Variants in NCAPG observed in about 807,000 individuals in gnomAD.
NCAPG encodes non-SMC condensin I complex subunit G, also known as condensin complex subunit 3.
A neutral mutation model predicts 113.1 loss-of-function variants in NCAPG; 69 were observed. The observed-to-expected ratio is 0.61, with a 90% confidence interval of 0.50 to 0.75. NCAPG has a LOEUF of 0.75. Among genes scored for constraint, NCAPG ranks in the 30% least tolerant of loss-of-function variants. The pLI is 0.00. For missense variants in NCAPG, 1,058 were observed against 1,177.0 expected, an observed-to-expected ratio of 0.90 and a Z score of 1.48; for synonymous variants, 370 against 415.8, an observed-to-expected ratio of 0.89 and a Z score of 1.34.
chr4:17,836,210 C>T (rs1171488696), intron 14 of NCAPG, among the ~76,000 whole-genome samples: 3 of 152,052 alleles, frequency 2.0e-5, no homozygotes, highest in Non-Finnish European at 4.4e-5. Flanking sequence ...TCCTTAATGA[C>T]TAGTGATGTT....
intron 7 of NCAPG, among the ~76,000 whole-genome samples, chr4:17,820,053 A>G (rs2109048118): frequency 1.3e-5 from 2 of 152,284 alleles, no homozygotes; most frequent in Admixed American, 1.3e-4. Flanking sequence ...GTTTGTGGCA[A>G]AGTTTAATAA....
chr4:17,831,091 G>C lies in NCAPG; in HGVS notation c.1859G>C (p.Arg620Thr). Residue 620 changes from arginine (R) to threonine (T), a missense_variant, in exon 13 of 21, where the codon AGG becomes ACG. Coordinates refer to ENST00000251496, the MANE Select transcript of NCAPG (RefSeq NM_022346.5). ...GGACTACAGAATCAGGATTTTGCAA[G>C]GAAACACTTCGTATTACTATTGCAG... is the stretch of plus-strand genomic sequence containing the variant. The part of the protein sequence containing the change: ...CCGLQNQDFA[R>T]KHFVLLLQVL... 3 of 1,613,452 alleles carry C rather than the reference G, an allele frequency of 1.9e-6. No homozygotes were observed. Among genetic ancestry groups the C allele is most frequent in the Non-Finnish European group, 2.5e-6 (3 of 1,179,766 alleles).
intron 5 of NCAPG, among the ~76,000 whole-genome samples, chr4:17,816,888 A>T (rs1179150084): frequency 1.3e-5 from 2 of 152,044 alleles, no homozygotes; most frequent in East Asian, 3.9e-4. Context: ...TAATCTCAGC[A>T]CTTTTGGAGG....
chr4:17,842,167 C>T (rs1722472474), intron 19 of NCAPG, 143 bp from the exon 20 acceptor site: 1 of 611,940 alleles, frequency 1.6e-6, no homozygotes, highest in African/African-American at 1.9e-5. Flanking sequence ...TAACTGGTAC[C>T]AAGATGGCTA....
rs772582102 is a variant in NCAPG at position 17,840,652 on chromosome 4, C to T, written c.2813C>T (p.Ala938Val). The change falls in exon 19 of 21, where the codon GCA becomes GTA. Residue 938 changes from alanine to valine, a missense_variant. By Grantham distance (64) the Ala-to-Val change is moderately conservative (BLOSUM62 0). Coordinates refer to ENST00000251496, the MANE Select transcript of NCAPG (RefSeq NM_022346.5). Reference sequence around the variant, plus strand: ...ATGACTCCACTCAGGGGTGTAAAAGCAACCCAAGCATCAAAGTCTACTCAG... The same window carrying T: ...ATGACTCCACTCAGGGGTGTAAAAGTAACCCAAGCATCAAAGTCTACTCAG... ...VYMTPLRGVK[A>V]TQASKSTQLK... The T allele has an allele frequency of 2.6e-6, 4 of 1,559,516 alleles. No individual in the cohort carries two copies. The highest frequency in any genetic ancestry group is 1.9e-5 in the Admixed American group (1 of 52,464).
Position 17,811,271 on chromosome 4 carries a change from G to C in NCAPG, c.111+83G>C, listed in dbSNP as rs750632754. ...GGGGCCCTCCGTGGCCCTCGGGCTC[G>C]GCGCACCGTGACTCCAGCCTTGTTC... is the stretch of plus-strand genomic sequence containing the variant. On this transcript the variant is annotated intron_variant, in intron 1 of 20. Coordinates refer to ENST00000251496, the MANE Select transcript of NCAPG (RefSeq NM_022346.5). The surrounding 1 kb of genome is among the most constrained non-coding windows in gnomAD (Gnocchi z 5.3). 5 of 795,074 alleles carry C rather than the reference G, an allele frequency of 6.3e-6. No individual in the cohort carries two copies. Among genetic ancestry groups the C allele is most frequent in the Non-Finnish European group, 7.6e-6 (4 of 527,964 alleles). The allele number at this position is 795,074 out of a possible 1,614,324, so 49.3% of individuals were successfully genotyped here.
rs202115603 is a variant in NCAPG at position 17,840,151 on chromosome 4, C to T, written c.2709C>T (p.Asp903=). The T allele has an allele frequency of 3.7e-6, 6 of 1,611,868 alleles. No homozygotes were observed. In the Admixed American group the frequency reaches 8.4e-5, roughly 23 times the overall value. ...AAAAAGGAAATAAAGAATTTGGTGACCAAGCTGAAGCAGCACAGGATGCCA... is the reference window on the plus strand; with the variant it reads ...AAAAAGGAAATAAAGAATTTGGTGATCAAGCTGAAGCAGCACAGGATGCCA... The part of the protein sequence containing the change: ...QLEKGNKEFG[D]QAEAAQDATL... The change falls in exon 18 of 21, where the codon GAC becomes GAT. Residue 903 remains aspartate (D), a synonymous_variant. Transcript: ENST00000251496.
intron 3 of NCAPG, 130 bp downstream of exon 3, chr4:17,813,275 A>G (rs1286175962): frequency 5.5e-6 from 4 of 725,132 alleles, no homozygotes; most frequent in Non-Finnish European, 8.3e-6. Context: ...GATTAAACAA[A>G]AAAAACCTAA....
chr4:17,839,929 C>T, intron 17 of NCAPG, 92 bp downstream of exon 17: 1 of 1,436,756 alleles, frequency 7.0e-7, no homozygotes, highest in Non-Finnish European at 9.4e-7. Context: ...CATATGTTAG[C>T]ATATTGTGAC....
At position 17,834,530 on chromosome 4, in the gene NCAPG, A is replaced by T; in HGVS notation, c.2109+7A>T. The stretch of plus-strand genomic sequence containing the variant: ...TGATTTCTTAGATAGTGAGGTAAGA[A>T]ATAATCCAGTCCTGTGATTATGAAA... On this transcript the variant is annotated splice_region_variant and intron_variant, in intron 14 of 20. Transcript: ENST00000251496. The T allele has an allele frequency of 6.5e-7, 1 of 1,533,718 alleles. No homozygotes were observed.
chr4:17,825,374 T>C lies in NCAPG; in HGVS notation c.1474-8T>C. 6.3e-7 allele frequency: 1 copy of C among 1,574,874 alleles called. No homozygotes were observed. Among genetic ancestry groups the C allele is most frequent in the Non-Finnish European group, 8.6e-7 (1 of 1,168,698 alleles). On this transcript the variant is annotated splice_region_variant and splice_polypyrimidine_tract_variant and intron_variant, in intron 10 of 20. Transcript: ENST00000251496. ...TTCAGTGTTGAAACAATTTATATCTTCCCTTAGATGGCTGAAATAAAAGTT... is the reference window on the plus strand; with the variant it reads ...TTCAGTGTTGAAACAATTTATATCTCCCCTTAGATGGCTGAAATAAAAGTT...
intron 13 of NCAPG, among the ~76,000 whole-genome samples, chr4:17,833,015 ATATT>A (rs1389272615): frequency 3.3e-5 from 5 of 152,088 alleles, no homozygotes; most frequent in African/African-American, 4.8e-5. Context: ...TTTACAGGTG[ATATT>A]TATTTGTTCT....
chr4:17,837,346 G>A lies in NCAPG; in HGVS notation c.2291+6G>A. On this transcript the variant is annotated splice_donor_region_variant and intron_variant, in intron 15 of 20. Coordinates refer to ENST00000251496, the MANE Select transcript of NCAPG (RefSeq NM_022346.5). The stretch of plus-strand genomic sequence containing the variant: ...GTGTTTGCTTATGCAAGCAGGTATT[G>A]AGTCATACTGATAAATCAAAAATCT... The A allele has an allele frequency of 6.3e-7, 1 of 1,598,594 alleles. No homozygotes were observed. The highest frequency in any genetic ancestry group is 8.5e-7 in the Non-Finnish European group (1 of 1,172,938).
intron 11 of NCAPG, 101 bp downstream of exon 11, chr4:17,825,662 TG>T: frequency 9.1e-7 from 1 of 1,097,642 alleles, no homozygotes; most frequent in Non-Finnish European, 1.3e-6. Context: ...ATATTTACTT[TG>T]AGCACTTTGT....
Position 17,811,105 on chromosome 4 carries a change from A to T in NCAPG, c.28A>T (p.Ile10Phe), listed in dbSNP as rs1431735730. 6.5e-7 allele frequency: 1 copy of T among 1,535,814 alleles called. No homozygotes were observed. Among genetic ancestry groups the T allele is most frequent in the South Asian group, 1.2e-5 (1 of 82,138 alleles). The change falls in exon 1 of 21, where the codon ATT (isoleucine) becomes TTT (phenylalanine). Residue 10 changes from isoleucine (I) to phenylalanine (F), a missense_variant. Physicochemically the swap from Ile to Phe is conservative, Grantham distance 21 (BLOSUM62 0). Transcript: ENST00000251496. This position sits in a 1 kb window ranked among gnomAD's most constrained non-coding sequence, Gnocchi z 5.3. MGAERRLLS[I>F]KEAFRLAQQP... ...GGGAGCGGAAAGGAGGCTGCTGTCG[A>T]TTAAGGAGGCCTTTCGGCTGGCGCA... is the stretch of plus-strand genomic sequence containing the variant.
rs77416591 is a variant in NCAPG at position 17,843,618 on chromosome 4, C to T, written c.*193C>T. On this transcript the variant is annotated 3_prime_UTR_variant, in exon 21 of 21. Transcript: ENST00000251496. ...GTTATTATAGTCCAGAAAAAGTGTG[C>T]ATCAGTCAGTCACACAGATTTATCA... is the stretch of plus-strand genomic sequence containing the variant. 0.12 allele frequency: 55,764 copies of T among 457,970 alleles called. 3,807 individuals are homozygous for T. The highest frequency in any genetic ancestry group is 0.21 in the South Asian group (6,084 of 28,322). 28.4% of individuals were successfully genotyped at this position (457,970 alleles called of 1,614,324 possible). A position where few individuals can be genotyped will look rare whatever the true frequency, so the allele number is the denominator to read the frequency against.
chr4:17,843,959 G>GTGA lies in NCAPG; in HGVS notation c.*536_*538dup, dbSNP rs1722678737. 6.6e-6 allele frequency: 1 copy of GTGA among 152,016 alleles called. No homozygotes were observed. The allele number at this position is 152,016 out of a possible 1,614,324, so 9.4% of individuals were successfully genotyped here. ...AGTTATTTTGACAAAAACTTATTTT[G>GTGA]TGATTCCTACAGTGAAAACATTTTT... On this transcript the variant is annotated 3_prime_UTR_variant, in exon 21 of 21. Transcript: ENST00000251496.
intron 16 of NCAPG, 86 bp from the exon 17 acceptor site, chr4:17,839,590 A>G: frequency 2.1e-6 from 2 of 971,236 alleles, no homozygotes; most frequent in Non-Finnish European, 2.8e-6. Flanking sequence ...CAAGAAAATT[A>G]GTTGGAAATA....
chr4:17,842,752 G>C lies in NCAPG; in HGVS notation c.2924+373G>C, dbSNP rs114832458. ...GTCTATAATTTGGGTATATTGTGTGGTAGAGTGTTTTATTTTTGGCTTCTG... is the reference window on the plus strand; with the variant it reads ...GTCTATAATTTGGGTATATTGTGTGCTAGAGTGTTTTATTTTTGGCTTCTG... On this transcript the variant is annotated intron_variant, in intron 20 of 20. Transcript: ENST00000251496. The C allele has an allele frequency of 7.3e-3, 1,308 of 178,316 alleles. 27 individuals carry two copies. Among genetic ancestry groups the C allele is most frequent in the African/African-American group, 0.03 (1,240 of 41,928 alleles). 11.0% of individuals were successfully genotyped at this position (178,316 alleles called of 1,614,324 possible).
Sources: gnomAD v4.1 joint callset for allele counts (sites outside exome capture counted in the v4.1 genomes callset) on GRCh38, gnomAD v4.1.1 for gene constraint, Gnocchi (gnomAD v3.1) non-coding constraint, MANE v1.5 for transcripts, NCBI Gene and HGNC (gene_info 2026-07-23, HGNC 2026-07-21) for gene names.